DYM: variants seen among roughly 807,000 people sequenced by gnomAD.
The protein encoded by DYM is dyggve-Melchior-Clausen syndrome protein.
Under a neutral mutation model 93.1 loss-of-function variants are expected in DYM, and 78 were observed. The observed-to-expected ratio is 0.84, with a 90% CI of 0.70 to 1.01. The LOEUF (loss-of-function observed/expected upper bound fraction) is 1.01, where lower values mean the gene tolerates loss of function less well. DYM is among the 50% of genes least tolerant of loss of function. DYM has a pLI of 0.00. For missense variants in DYM, 789 were observed against 845.0 expected (o/e 0.93, Z 0.82); for synonymous variants, 321 against 319.7 (o/e 1.00, Z -0.04).
chr18:49,095,702 A>T (rs2079480577), intron 17 of DYM, among the ~76,000 whole-genome samples: 1 of 152,210 alleles, frequency 6.6e-6, no homozygotes, highest in African/African-American at 2.4e-5. Flanking sequence ...GAAAAACGAA[A>T]AGAGTTACAT....
chr18:49,169,183 G>A (rs560476060), intron 14 of DYM, among the ~76,000 whole-genome samples: 2 of 152,316 alleles, frequency 1.3e-5, no homozygotes, highest in African/African-American at 2.4e-5. Context: ...AGGTGAAAAA[G>A]GACGTGCCTA....
At chr18:49,090,723 T>C (rs1555749300) in intron 17 of DYM, among the ~76,000 whole-genome samples, 1 of 152,022 alleles carries the variant, frequency 6.6e-6, no homozygotes, top group South Asian at 2.1e-4. Flanking sequence ...GGTTCAGAAA[T>C]AGGAAAAAAT....
chr18:49,140,962 T>C (rs1397939645), intron 15 of DYM, among the ~76,000 whole-genome samples: 1 of 152,200 alleles, frequency 6.6e-6, no homozygotes, highest in Non-Finnish European at 1.5e-5. Context: ...ACCCTCAATC[T>C]TCCATGTATA....
At chr18:49,287,536 A>T in intron 8 of DYM, among the ~76,000 whole-genome samples, 1 of 151,926 alleles carries the variant, frequency 6.6e-6, no homozygotes, top group East Asian at 1.9e-4. Context: ...AAGACCAAAA[A>T]AATTTTAGAG....
chr18:49,200,695 G>A (rs1251641646), intron 14 of DYM, among the ~76,000 whole-genome samples: 2 of 151,650 alleles, frequency 1.3e-5, no homozygotes, highest in Non-Finnish European at 2.9e-5. Context: ...AATACTTCTA[G>A]CATATTTCTT....
intron 8 of DYM, among the ~76,000 whole-genome samples, chr18:49,294,163 C>A (rs886372015): frequency 1.3e-5 from 2 of 152,070 alleles, no homozygotes; most frequent in East Asian, 3.9e-4. Context: ...CTGTTCTGTT[C>A]CATTGGTCCA....
chr18:49,212,288 A>G (rs1398810804), intron 13 of DYM, among the ~76,000 whole-genome samples: 1 of 152,200 alleles, frequency 6.6e-6, no homozygotes, highest in Non-Finnish European at 1.5e-5. Context: ...AATAGTTTTT[A>G]TCAATGTTAA....
chr18:49,203,894 A>AC (rs1445462108), intron 14 of DYM, among the ~76,000 whole-genome samples: 1 of 141,160 alleles, frequency 7.1e-6, no homozygotes, highest in Non-Finnish European at 1.5e-5. Flanking sequence ...AAAAAAAAAA[A>AC]AAAACAACTC....
At chr18:49,071,758 A>G (rs112937198) in intron 17 of DYM, among the ~76,000 whole-genome samples, 2,286 of 152,328 alleles carry the variant, frequency 0.015, 52 homozygotes, top group African/African-American at 0.052. Context: ...ATTTCTTAAT[A>G]TCATCAAGTG....
intron 14 of DYM, chr18:49,206,018 G>GTTTGTTTGTTTTTTTTTTTTTTT (rs1241873339): frequency 1.1e-5 from 1 of 94,964 alleles, no homozygotes; most frequent in Admixed American, 1.2e-4. Context: ...TTTGTTTTTT[G>GTTTGTTTGTTTTTTTTTTTTTTT]CGGAGTCTTG....
At chr18:49,350,690 G>T (rs1358510489) in intron 6 of DYM, among the ~76,000 whole-genome samples, 2 of 149,168 alleles carry the variant, frequency 1.3e-5, no homozygotes, top group East Asian at 3.9e-4. Flanking sequence ...TGGGTGACAG[G>T]GTGAGACTCC....
intron 17 of DYM, among the ~76,000 whole-genome samples, chr18:49,072,257 T>A (rs1568373227): frequency 6.6e-6 from 1 of 152,198 alleles, no homozygotes. Context: ...TGATCTCTGG[T>A]CTAAGTTACA....
At chr18:49,432,136 G>A (rs191558923) in intron 1 of DYM, among the ~76,000 whole-genome samples, 97 of 152,138 alleles carry the variant, frequency 6.4e-4, no homozygotes, top group African/African-American at 2.3e-3. Context: ...ACTTTGGGAG[G>A]CCAAGGCGGG....
chr18:49,308,290 GTA>G (rs3061689), intron 8 of DYM, among the ~76,000 whole-genome samples: 82,347 of 145,096 alleles, frequency 0.57, 22,632 homozygotes, highest in Admixed American at 0.61. Flanking sequence ...ACTTGTGTGT[GTA>G]TATATATATA....
intron 2 of DYM, among the ~76,000 whole-genome samples, chr18:49,427,587 TA>T (rs79850548): frequency 3.3e-5 from 5 of 150,978 alleles, no homozygotes; most frequent in African/African-American, 4.9e-5. Context: ...TATGGTTATG[TA>T]AAAAAAAAGA....
At chr18:49,432,070 C>G (rs1483850599) in intron 1 of DYM, 1 of 152,132 alleles carries the variant, frequency 6.6e-6, no homozygotes, top group East Asian at 1.9e-4. Flanking sequence ...TTAGAAAATG[C>G]TATAAAAGAA....
intron 8 of DYM, among the ~76,000 whole-genome samples, chr18:49,298,581 C>CAAAA (rs34066907): frequency 7.4e-6 from 1 of 134,546 alleles, no homozygotes; most frequent in Non-Finnish European, 1.6e-5. Flanking sequence ...AACTCCGTCT[C>CAAAA]AAAAAAAAAA....
intron 17 of DYM, among the ~76,000 whole-genome samples, chr18:49,078,456 C>T (rs749621771): frequency 6.6e-6 from 1 of 151,798 alleles, no homozygotes; most frequent in African/African-American, 2.4e-5. Context: ...GGGCCATATC[C>T]CTCCTCTCCT....
intron 14 of DYM, among the ~76,000 whole-genome samples, chr18:49,206,926 C>G (rs944461271): frequency 6.6e-6 from 1 of 152,152 alleles, no homozygotes; most frequent in South Asian, 2.1e-4. Flanking sequence ...AGAATAAATT[C>G]TACACTGACT....
Sources: allele counts gnomAD v4.1 joint callset (sites outside exome capture counted in the v4.1 genomes callset), GRCh38; gene constraint gnomAD v4.1.1; transcripts MANE v1.5; gene names NCBI Gene and HGNC (gene_info 2026-07-23, HGNC 2026-07-21).